Variants in PLAA observed in about 807,000 individuals in gnomAD.
PLAA encodes phospholipase A-2-activating protein.
In PLAA, 48 loss-of-function variants were observed where a neutral mutation model predicts 84.1. The ratio of observed to expected loss-of-function variants is 0.57; its 90% CI spans 0.45 to 0.73. The LOEUF (loss-of-function observed/expected upper bound fraction) is 0.73. Among genes scored for constraint, PLAA ranks in the 30% least tolerant of loss-of-function variants. PLAA has a pLI of 0.00. For missense variants in PLAA, 903 were observed against 954.7 expected, an observed-to-expected ratio of 0.95 and a Z score of 0.71; for synonymous variants, 392 against 336.6, an observed-to-expected ratio of 1.16 and a Z score of -1.80.
At chr9:26,917,241 A>T (rs978900430) in intron 9 of PLAA, 76 bp from the exon 10 acceptor site, 5 of 1,126,730 alleles carry the variant, frequency 4.4e-6, no homozygotes, top group South Asian at 3.9e-5. Context: ...TGCTTGTTTT[A>T]GAAGAACCTA....
intron 1 of PLAA, among the ~76,000 whole-genome samples, chr9:26,936,715 T>C (rs926401407): frequency 2.8e-5 from 4 of 142,686 alleles, no homozygotes; most frequent in African/African-American, 9.9e-5. Context: ...CAGAGATCTG[T>C]TCTCTGATCA....
intron 11 of PLAA, among the ~76,000 whole-genome samples, chr9:26,912,950 T>A (rs1824442074): frequency 6.6e-6 from 1 of 152,144 alleles, no homozygotes; most frequent in Admixed American, 6.5e-5. Flanking sequence ...GTGATGGACA[T>A]GGTAGTGTGC....
rs141800509 is a variant in PLAA at position 26,907,939 on chromosome 9, A to G, written c.1717T>C (p.Leu573=). ...PEEKKLTEDD[L]ILLEKILSLI... is the part of the protein sequence containing the mutation. ...GACAGTATCTTCTCAAGAAGTATCA[A>G]GTCATCCTCAGTTAACTTCTTCTCT... The change falls in exon 13 of 14, where the codon TTG becomes CTG. Residue 573 remains leucine, a synonymous_variant. Coordinates refer to ENST00000397292, the MANE Select transcript of PLAA (RefSeq NM_001031689.3). 321 of 1,610,206 alleles carry G rather than the reference A, an allele frequency of 2.0e-4. 2 individuals carry two copies. In the African/African-American group the frequency reaches 4.1e-3, roughly 20 times the overall value.
At chr9:26,906,153 A>G in intron 13 of PLAA, 77 bp from the exon 14 acceptor site, 1 of 921,474 alleles carries the variant, frequency 1.1e-6, no homozygotes, top group Non-Finnish European at 1.5e-6. Flanking sequence ...GAAGGATTTT[A>G]TTTTCCCACT....
At chr9:26,934,180 A>T (rs1160938328) in intron 2 of PLAA, among the ~76,000 whole-genome samples, 3 of 152,186 alleles carry the variant, frequency 2.0e-5, no homozygotes, top group Non-Finnish European at 2.9e-5. Context: ...TTATATTTTT[A>T]AAAAAGTACA....
In PLAA at chr9:26,907,930, G is replaced by A; in HGVS notation, c.1726C>T (p.Leu576Phe). The A allele has an allele frequency of 6.2e-7, 1 of 1,610,940 alleles. No homozygotes were observed. The highest frequency in any genetic ancestry group is 8.5e-7 in the Non-Finnish European group (1 of 1,178,788). The stretch of plus-strand genomic sequence containing the variant: ...CATATTAGAGACAGTATCTTCTCAA[G>A]AAGTATCAAGTCATCCTCAGTTAAC... ...KKLTEDDLIL[L>F]EKILSLICNS... Residue 576 changes from leucine (L) to phenylalanine (F), a missense_variant, in exon 13 of 14, where the codon CTT becomes TTT. Transcript: ENST00000397292.
Position 26,947,197 on chromosome 9 carries a change from G to C in PLAA, c.-152C>G. On this transcript the variant is annotated 5_prime_UTR_variant, in exon 1 of 14. Transcript: ENST00000397292. ...AGCCCGAGAGCCGGTACGGAAGGGC[G>C]GCTGGGAAGGGGCGCGCCGAGCGGG... 2 of 885,740 alleles carry C rather than the reference G, an allele frequency of 2.3e-6. No individual in the cohort carries two copies. Among genetic ancestry groups the C allele is most frequent in the East Asian group, 3.2e-5 (1 of 31,528 alleles). The allele number at this position is 885,740 out of a possible 1,614,324, so 54.9% of individuals were successfully genotyped here.
chr9:26,931,955 T>C (rs992821248), intron 2 of PLAA, among the ~76,000 whole-genome samples: 5 of 152,134 alleles, frequency 3.3e-5, no homozygotes, highest in African/African-American at 1.2e-4. Flanking sequence ...GGCGTGGTGG[T>C]GGGCACCTGT....
chr9:26,923,361 T>C lies in PLAA; in HGVS notation c.870-14A>G, dbSNP rs529320124. The C allele has an allele frequency of 1.3e-6, 2 of 1,579,926 alleles. No homozygotes were observed. Among genetic ancestry groups the C allele is most frequent in the East Asian group, 2.3e-5 (1 of 44,310 alleles). ...ATAATGCCATCACTGTAAGGAAAAATAAACTGATTTTAGAAGTCATTGCCA... is the reference window on the plus strand; with the variant it reads ...ATAATGCCATCACTGTAAGGAAAAACAAACTGATTTTAGAAGTCATTGCCA... On this transcript the variant is annotated splice_polypyrimidine_tract_variant and intron_variant, in intron 6 of 13. Coordinates refer to ENST00000397292, the MANE Select transcript of PLAA (RefSeq NM_001031689.3).
chr9:26,921,006 C>G (rs1824740675), intron 7 of PLAA, among the ~76,000 whole-genome samples: 1 of 151,990 alleles, frequency 6.6e-6, no homozygotes, highest in African/African-American at 2.4e-5. Flanking sequence ...CTGCTTGAAA[C>G]CCATCAATGC....
chr9:26,923,473 TTGCTGATTACAGCACTG>T (rs1470740670), intron 6 of PLAA, 126 bp from the exon 7 acceptor site: 2 of 708,686 alleles, frequency 2.8e-6, no homozygotes, highest in Non-Finnish European at 4.7e-6. Flanking sequence ...ATGTTATTAA[TTGCTGATTACAGCACTG>T]TGCTGACTTC....
intron 10 of PLAA, among the ~76,000 whole-genome samples, chr9:26,914,543 C>T (rs1285641665): frequency 6.8e-6 from 1 of 147,444 alleles, no homozygotes; most frequent in Non-Finnish European, 1.5e-5. Context: ...CGGCGCAAAA[C>T]ATACAGAAAT....
Position 26,916,406 on chromosome 9 carries a change from C to A in PLAA, c.1486+691G>T, listed in dbSNP as rs544162092. On this transcript the variant is annotated intron_variant, in intron 10 of 13. Coordinates refer to ENST00000397292, the MANE Select transcript of PLAA (RefSeq NM_001031689.3). ...TTAAAGTCCAACTCTGGCACTTTTT[C>A]CAGTAGTGTTGATGCTGAGGCATGC... is the stretch of plus-strand genomic sequence containing the variant. The A allele has an allele frequency of 1.2e-4, 117 of 986,988 alleles. 3 individuals are homozygous for A. The South Asian group carries it at 5.4e-3, about 45-fold the overall frequency. 61.1% of individuals were successfully genotyped at this position (986,988 alleles called of 1,614,324 possible).
chr9:26,941,169 A>ATAC (rs59351992), intron 1 of PLAA, among the ~76,000 whole-genome samples: 1 of 144,778 alleles, frequency 6.9e-6, no homozygotes. Context: ...AAAAAAAAAC[A>ATAC]AAAACAAAAC....
At chr9:26,914,207 T>C (rs1182930698) in intron 10 of PLAA, among the ~76,000 whole-genome samples, 1 of 152,166 alleles carries the variant, frequency 6.6e-6, no homozygotes, top group Admixed American at 6.6e-5. Context: ...GTAAGTGGAT[T>C]GGAGAGAAAT....
At chr9:26,939,469 C>A (rs1825458890) in intron 1 of PLAA, among the ~76,000 whole-genome samples, 2 of 118,806 alleles carry the variant, frequency 1.7e-5, no homozygotes, top group Non-Finnish European at 3.4e-5. Context: ...GACAGTAATG[C>A]AGGAGATGAG....
chr9:26,947,112 A>C lies in PLAA; in HGVS notation c.-67T>G. On this transcript the variant is annotated 5_prime_UTR_variant, in exon 1 of 14. Transcript: ENST00000397292. ...AGACCAGTCCGCAGGGGCGACTCGG[A>C]GAGCGCCGGGCCGCGGCGGGAGAAG... The C allele has an allele frequency of 7.1e-7, 1 of 1,409,984 alleles. No homozygotes were observed. Among genetic ancestry groups the C allele is most frequent in the African/African-American group, 1.5e-5 (1 of 66,946 alleles). The allele number at this position is 1,409,984 out of a possible 1,614,324, so 87.3% of individuals were successfully genotyped here.
chr9:26,908,166 T>A (rs1003786457), intron 12 of PLAA, among the ~76,000 whole-genome samples, 168 bp from the exon 13 acceptor site: 2 of 146,532 alleles, frequency 1.4e-5, no homozygotes, highest in African/African-American at 5.2e-5. Flanking sequence ...ATGAGCTTTG[T>A]CTTTTTTTTT....
In PLAA at chr9:26,905,496, C is replaced by T; in HGVS notation, c.*15G>A. The T allele has an allele frequency of 6.4e-7, 1 of 1,553,280 alleles. No individual in the cohort carries two copies. The highest frequency in any genetic ancestry group is 8.8e-7 in the Non-Finnish European group (1 of 1,140,890). ...ACACTAATCAATTAAAAATATCCGT[C>T]CCTCTTCCCCACTGCTACAGCAAAT... On this transcript the variant is annotated 3_prime_UTR_variant, in exon 14 of 14. Transcript: ENST00000397292.
Sources: gnomAD v4.1 joint callset for allele counts (sites outside exome capture counted in the v4.1 genomes callset) on GRCh38, gnomAD v4.1.1 for gene constraint, MANE v1.5 for transcripts, NCBI Gene and HGNC (gene_info 2026-07-23, HGNC 2026-07-21) for gene names.